Variants in CNDP2 observed in about 807,000 individuals in gnomAD.
The protein encoded by CNDP2 is cytosolic non-specific dipeptidase.
CNDP2 carries 38 observed loss-of-function variants against 55.0 expected under a neutral mutation model. The observed-to-expected ratio is 0.69, with a 90% confidence interval of 0.53 to 0.90. The LOEUF is 0.90. Among genes scored for constraint, CNDP2 ranks in the 40% least tolerant of loss-of-function variants. The pLI is 0.00. For missense variants in CNDP2, 607 were observed against 621.7 expected, an observed-to-expected ratio of 0.98 and a Z score of 0.25; for synonymous variants, 241 against 260.2, an observed-to-expected ratio of 0.93 and a Z score of 0.71.
intron 5 of CNDP2, chr18:74,509,230 G>T: frequency 2.7e-6 from 1 of 371,474 alleles, no homozygotes; most frequent in Admixed American, 3.8e-5. Context: ...CTGTGAGTGT[G>T]GTCCCTTGCC....
chr18:74,501,144 C>T (rs1599059086), intron 2 of CNDP2, 185 bp from the exon 3 acceptor site: 2 of 1,269,318 alleles, frequency 1.6e-6, no homozygotes, highest in Non-Finnish European at 2.0e-6. Flanking sequence ...TCTCTTCCCT[C>T]AGTACAAACA....
intron 3 of CNDP2, among the ~76,000 whole-genome samples, chr18:74,504,140 G>A (rs1200681256): frequency 6.5e-5 from 9 of 139,412 alleles, no homozygotes; most frequent in East Asian, 2.2e-4. Flanking sequence ...CCACACTGCC[G>A]CTGGGACAAA....
At chr18:74,501,684 T>C (rs1442720768) in intron 3 of CNDP2, among the ~76,000 whole-genome samples, 1 of 152,200 alleles carries the variant, frequency 6.6e-6, no homozygotes, top group Non-Finnish European at 1.5e-5. Flanking sequence ...AGCATTTTTC[T>C]CCAGGAAGGA....
At chr18:74,502,441 G>GTA (rs1477487266) in intron 3 of CNDP2, among the ~76,000 whole-genome samples, 4 of 151,296 alleles carry the variant, frequency 2.6e-5, no homozygotes, top group Admixed American at 6.6e-5. Context: ...CTGTGTGTGT[G>GTA]TATATATATG....
chr18:74,515,352 G>A (rs1356436831), intron 8 of CNDP2, among the ~76,000 whole-genome samples: 6 of 152,134 alleles, frequency 3.9e-5, no homozygotes, highest in African/African-American at 9.7e-5. Flanking sequence ...GGTCCCCACC[G>A]GCAGTGACTG....
At chr18:74,510,683 A>G (rs1979293287) in intron 5 of CNDP2, 130 bp from the exon 6 acceptor site, 2 of 763,118 alleles carry the variant, frequency 2.6e-6, no homozygotes, top group Non-Finnish European at 4.3e-6. Context: ...GGGTGATGAC[A>G]GGTGCACACG....
At chr18:74,501,237 G>T in intron 2 of CNDP2, 92 bp from the exon 3 acceptor site, 6 of 1,517,156 alleles carry the variant, frequency 4.0e-6, no homozygotes, top group Non-Finnish European at 5.3e-6. Context: ...CAGCCACAGA[G>T]GGTGAGCCTG....
Position 74,510,924 on chromosome 18 carries a change from T to C in CNDP2, c.568T>C (p.Tyr190His), listed in dbSNP as rs201098707. 6.2e-7 allele frequency: 1 copy of C among 1,614,222 alleles called. No homozygotes were observed. Among genetic ancestry groups the C allele is most frequent in the Admixed American group, 1.7e-5 (1 of 60,030 alleles). Residue 190 changes from tyrosine (Y) to histidine (H), a missense_variant, in exon 6 of 12, where the codon TAT (tyrosine) becomes CAT (histidine). Physicochemically the swap from Tyr to His is moderately conservative, Grantham distance 83 (BLOSUM62 2). Transcript: ENST00000324262. ...AGACACATTCTTTAAGGATGTGGAC[T>C]ATGTCTGCATTTCTGACAATTACTG... is the stretch of plus-strand genomic sequence containing the variant. ...RKDTFFKDVD[Y>H]VCISDNYWLG...
rs1051565115 is a variant in CNDP2, at chr18:74,523,270, C to G, written c.*3202C>G. 6.6e-6 allele frequency: 1 copy of G among 152,202 alleles called. No individual in the cohort carries two copies. The highest frequency in any genetic ancestry group is 1.5e-5 in the Non-Finnish European group (1 of 68,044). The allele number at this position is 152,202 out of a possible 1,614,324, so 9.4% of individuals were successfully genotyped here. On this transcript the variant is annotated 3_prime_UTR_variant, in exon 12 of 12. Coordinates refer to ENST00000324262, the MANE Select transcript of CNDP2 (RefSeq NM_018235.3). ...TCTGACTAACGGCTGGTTCTGTGAA[C>G]TTGAGCCTCAGCGTCCTGTGTCAGA...
At chr18:74,505,468 C>T (rs1387792017) in intron 3 of CNDP2, among the ~76,000 whole-genome samples, 4 of 151,900 alleles carry the variant, frequency 2.6e-5, no homozygotes, top group East Asian at 1.9e-4. Flanking sequence ...GCATGGTGGC[C>T]GGCACCTGTA....
rs72527615 is a variant in CNDP2, at chr18:74,503,073, G to GTTTTTTTTTTTTTTTTTT, written c.204+1614_204+1615insTTTTTTTTTTTTTTTTTT. Among the ~76,000 whole-genome samples, 2 of 142,190 alleles carry GTTTTTTTTTTTTTTTTTT rather than the reference G, an allele frequency of 1.4e-5. 1 individual carries two copies. The allele number at this position is 142,190 out of a possible 152,430, so 93.3% of individuals were successfully genotyped here. On this transcript the variant is annotated intron_variant, in intron 3 of 11. Transcript: ENST00000324262. Reference sequence around the variant, plus strand: ...GGTCAGACTCACCTTGCTCCCTTTCGTTTTTTTTTTTTTCCTAATATATTG... The same window carrying GTTTTTTTTTTTTTTTTTT: ...GGTCAGACTCACCTTGCTCCCTTTCGTTTTTTTTTTTTTTTTTTTTTTTTTTTTTTTCCTAATATATTG...
intron 8 of CNDP2, among the ~76,000 whole-genome samples, chr18:74,514,541 G>T (rs1979547722): frequency 7.2e-6 from 1 of 138,504 alleles, no homozygotes; most frequent in Admixed American, 7.1e-5. Context: ...GCAGGCTATA[G>T]GTTTATGTGG....
At chr18:74,519,236 A>G (rs1046032367) in intron 11 of CNDP2, 140 bp downstream of exon 11, 1 of 1,142,526 alleles carries the variant, frequency 8.8e-7, no homozygotes, top group Admixed American at 3.0e-5. Flanking sequence ...TATTTGTGTG[A>G]AGTGGGAACT....
intron 3 of CNDP2, among the ~76,000 whole-genome samples, chr18:74,502,888 C>T (rs1218427591): frequency 6.6e-6 from 1 of 152,144 alleles, no homozygotes; most frequent in East Asian, 1.9e-4. Flanking sequence ...AGAGCAGGTT[C>T]ATGCCCAGGC....
At chr18:74,516,175 C>G in intron 8 of CNDP2, 53 bp from the exon 9 acceptor site, 1 of 1,533,082 alleles carries the variant, frequency 6.5e-7, no homozygotes, top group Non-Finnish European at 8.8e-7. Flanking sequence ...GGTGAGCAGA[C>G]AGGGCTGGCA....
chr18:74,516,390 C>T lies in CNDP2; in HGVS notation c.1066C>T (p.Gln356Ter). The change falls in exon 9 of 12, where the codon CAG (glutamine) becomes TAG (stop). Residue 356 changes from glutamine to a stop codon, truncating the protein, a stop_gained and splice_region_variant. Coordinates refer to ENST00000324262, the MANE Select transcript of CNDP2 (RefSeq NM_018235.3). LOFTEE classifies it high-confidence loss of function. ...PNMTPEVVGE[Q>*]VTSYLTKKFA... ...CATGACTCCTGAAGTCGTCGGCGAG[C>T]AGGCATGTGGGGCTGGGACACGGGG... The T allele has an allele frequency of 6.2e-7, 1 of 1,607,868 alleles. No individual in the cohort carries two copies.
intron 8 of CNDP2, 198 bp downstream of exon 8, chr18:74,513,917 T>G: frequency 1.8e-6 from 1 of 550,706 alleles, no homozygotes. Flanking sequence ...AATCTACTTT[T>G]GATTCCATCA....
intron 1 of CNDP2, among the ~76,000 whole-genome samples, chr18:74,499,181 C>G (rs1325032895): frequency 6.6e-6 from 1 of 152,222 alleles, no homozygotes. Context: ...CAGCTGTGTG[C>G]TTTCTGCTGC....
In CNDP2 at chr18:74,512,487, G is replaced by A. The variant is rs762872419; in HGVS notation, c.697G>A (p.Gly233Arg). 10 of 1,613,792 alleles carry A rather than the reference G, an allele frequency of 6.2e-6. No individual in the cohort carries two copies. Among genetic ancestry groups the A allele is most frequent in the East Asian group, 2.2e-5 (1 of 44,878 alleles). ...CAAAGACCTCCATTCTGGGGTGTAC[G>A]GGGGCTCGGTGCATGAGGCCATGAC... ...SNKDLHSGVY[G>R]GSVHEAMTDL... The change falls in exon 7 of 12, where the codon GGG becomes AGG. Residue 233 changes from glycine (G) to arginine (R), a missense_variant. Transcript: ENST00000324262.
Sources: gnomAD v4.1 joint callset for allele counts (sites outside exome capture counted in the v4.1 genomes callset) on GRCh38, gnomAD v4.1.1 for gene constraint, MANE v1.5 for transcripts, NCBI Gene and HGNC (gene_info 2026-07-23, HGNC 2026-07-21) for gene names.